Variants in GRIP1 observed in about 807,000 individuals in gnomAD.
GRIP1 encodes glutamate receptor-interacting protein 1.
In GRIP1, 45 loss-of-function variants were observed where a neutral mutation model predicts 129.9. The observed-to-expected ratio is 0.35, with a 90% CI of 0.27 to 0.44. The LOEUF is 0.44. Ranked by LOEUF, GRIP1 falls within the 20% of genes least tolerant of loss-of-function variation. The pLI is 1.00. For synonymous variants in GRIP1, 530 were observed against 520.8 expected, an observed-to-expected ratio of 1.02 and a Z score of -0.24; for missense variants, 1,196 against 1,396.8, an observed-to-expected ratio of 0.86 and a Z score of 2.29.
At chr12:66,483,475 A>G (rs2059863993) in intron 7 of GRIP1, among the ~76,000 whole-genome samples, 2 of 152,318 alleles carry the variant, frequency 1.3e-5, no homozygotes, top group Middle Eastern at 3.4e-3. Context: ...TTGTATTGCA[A>G]GAAGAGTACA....
chr12:66,542,072 A>T (rs2061799491), intron 2 of GRIP1, 122 bp from the exon 3 acceptor site: 1 of 859,562 alleles, frequency 1.2e-6, no homozygotes, highest in Non-Finnish European at 2.0e-6. Context: ...GCCTCCTTCC[A>T]TTGTAATTTG....
intron 1 of GRIP1, among the ~76,000 whole-genome samples, chr12:66,627,938 G>A (rs544954544): frequency 3.9e-5 from 6 of 152,250 alleles, no homozygotes; most frequent in African/African-American, 1.2e-4. Context: ...AGTGTGAGGA[G>A]GAGGCTAGGG....
intron 1 of GRIP1, among the ~76,000 whole-genome samples, chr12:67,065,992 A>G (rs1165399638): frequency 6.6e-6 from 1 of 152,222 alleles, no homozygotes; most frequent in Non-Finnish European, 1.5e-5. Context: ...GATCAGGCAG[A>G]AAGTCAGGGG....
At chr12:66,537,554 C>T (rs2061643527) in intron 4 of GRIP1, among the ~76,000 whole-genome samples, 1 of 151,142 alleles carries the variant, frequency 6.6e-6, no homozygotes, top group African/African-American at 2.4e-5. Context: ...ACTATGTACC[C>T]ACAGAAATTA....
intron 1 of GRIP1, among the ~76,000 whole-genome samples, chr12:66,791,399 A>G (rs1257831436): frequency 6.6e-6 from 1 of 152,118 alleles, no homozygotes; most frequent in East Asian, 1.9e-4. Context: ...TAAAGACAAA[A>G]GATTGATGAC....
chr12:66,577,344 C>CA (rs2063174226), intron 2 of GRIP1, among the ~76,000 whole-genome samples: 1 of 152,054 alleles, frequency 6.6e-6, no homozygotes, highest in African/African-American at 2.4e-5. Context: ...CAGTAAGTTT[C>CA]CTGTGTCTAA....
At chr12:67,016,255 A>T (rs1195826827) in intron 1 of GRIP1, among the ~76,000 whole-genome samples, 4 of 152,186 alleles carry the variant, frequency 2.6e-5, no homozygotes, top group Non-Finnish European at 5.9e-5. Context: ...TAAAGCACTG[A>T]GACACAAAAA....
chr12:66,452,815 T>C (rs2058845935), intron 11 of GRIP1, among the ~76,000 whole-genome samples: 1 of 152,050 alleles, frequency 6.6e-6, no homozygotes, highest in South Asian at 2.1e-4. Flanking sequence ...AATGTGACCA[T>C]ACCAAACCTA....
intron 1 of GRIP1, chr12:66,803,862 T>A (rs2038925029): frequency 3.7e-6 from 1 of 268,774 alleles, no homozygotes; most frequent in African/African-American, 2.2e-5. Flanking sequence ...CTGGTGACAC[T>A]GTCTAGATGC....
At chr12:66,650,729 C>T (rs1385871472) in intron 1 of GRIP1, among the ~76,000 whole-genome samples, 1 of 152,112 alleles carries the variant, frequency 6.6e-6, no homozygotes, top group Non-Finnish European at 1.5e-5. Context: ...GACTGGCCAA[C>T]CCTATAATCT....
intron 1 of GRIP1, among the ~76,000 whole-genome samples, chr12:66,699,633 T>G (rs1031775360): frequency 3.3e-5 from 5 of 152,134 alleles, no homozygotes; most frequent in African/African-American, 1.2e-4. Context: ...CTTTCAGTCT[T>G]GGGAATGTCT....
chr12:66,596,935 G>A lies in GRIP1; in HGVS notation c.56-8C>T, dbSNP rs1378426624. On this transcript the variant is annotated splice_polypyrimidine_tract_variant and splice_region_variant and intron_variant, in intron 1 of 24. Coordinates refer to ENST00000359742, the MANE Select transcript of GRIP1 (RefSeq NM_001366722.1). ...TAGTGTAGGGACTCTCATCTGCAAAGGTACAATGAAGCGTTTGGTTAATTT... is the reference window on the plus strand; with the variant it reads ...TAGTGTAGGGACTCTCATCTGCAAAAGTACAATGAAGCGTTTGGTTAATTT... 4 of 1,594,546 alleles carry A rather than the reference G, an allele frequency of 2.5e-6. No individual in the cohort carries two copies. Among genetic ancestry groups the A allele is most frequent in the Admixed American group, 1.7e-5 (1 of 59,992 alleles).
At chr12:66,759,191 A>T (rs7306987) in intron 1 of GRIP1, among the ~76,000 whole-genome samples, 98,129 of 152,106 alleles carry the variant, frequency 0.65, 31,802 homozygotes, top group Middle Eastern at 0.79. Context: ...CAAAACTCAA[A>T]TTTTGACTTC....
At chr12:66,807,705 G>A (rs779287995), upstream of GRIP1, among the ~76,000 whole-genome samples, 1 of 151,850 alleles carries the variant, frequency 6.6e-6, no homozygotes, top group Non-Finnish European at 1.5e-5. Context: ...CTCCTGCTCT[G>A]GTCAAGTGAG....
At chr12:66,942,093 T>C (rs2041595307) in intron 1 of GRIP1, among the ~76,000 whole-genome samples, 2 of 152,214 alleles carry the variant, frequency 1.3e-5, no homozygotes, top group South Asian at 4.1e-4. Context: ...ACTAATTCAT[T>C]TAATCCTGAC....
chr12:67,056,729 A>G (rs2043442551), intron 1 of GRIP1, among the ~76,000 whole-genome samples: 2 of 152,194 alleles, frequency 1.3e-5, no homozygotes, highest in African/African-American at 4.8e-5. Flanking sequence ...CTAAACACTG[A>G]GAGATGAAAC....
At chr12:66,987,720 CCACA>C (rs2042333061) in intron 1 of GRIP1, among the ~76,000 whole-genome samples, 1 of 152,158 alleles carries the variant, frequency 6.6e-6, no homozygotes, top group Non-Finnish European at 1.5e-5. Context: ...AGTCATAAGG[CCACA>C]GTGTGTCACC....
chr12:66,649,597 TA>T (rs2032639775), intron 1 of GRIP1, among the ~76,000 whole-genome samples: 1 of 152,160 alleles, frequency 6.6e-6, no homozygotes. Flanking sequence ...CACATGAATG[TA>T]ACCCAAGGAA....
intron 1 of GRIP1, among the ~76,000 whole-genome samples, chr12:66,636,763 C>T (rs1036632946): frequency 1.4e-5 from 2 of 148,078 alleles, no homozygotes; most frequent in Non-Finnish European, 3.0e-5. Context: ...GTCTCACTCT[C>T]TCTCTCTCTG....
Sources: allele counts gnomAD v4.1 joint callset (sites outside exome capture counted in the v4.1 genomes callset), GRCh38; gene constraint gnomAD v4.1.1; transcripts MANE v1.5; gene names NCBI Gene and HGNC (gene_info 2026-07-23, HGNC 2026-07-21).